RAP1A: variants seen among roughly 807,000 people sequenced by gnomAD.
RAP1A encodes the protein ras-related protein Rap-1A.
In RAP1A, 6 loss-of-function variants were observed where a neutral mutation model predicts 26.4. The ratio of observed to expected loss-of-function variants is 0.23; its 90% CI spans 0.12 to 0.45. The LOEUF (loss-of-function observed/expected upper bound fraction) is 0.45, where lower values mean the gene tolerates loss of function less well. RAP1A is among the 20% of genes least tolerant of loss of function. The pLI is 0.99. For synonymous variants in RAP1A, 73 were observed against 79.4 expected (o/e 0.92, Z 0.43); for missense variants, 121 against 217.2 (o/e 0.56, Z 2.78).
chr1:111,580,116 T>C (rs1305144448), intron 1 of RAP1A, among the ~76,000 whole-genome samples: 1 of 152,188 alleles, frequency 6.6e-6, no homozygotes, highest in African/African-American at 2.4e-5. Flanking sequence ...TATTGAATAC[T>C]GAACTAAAAG....
At chr1:111,697,403 G>A (rs780255114) in intron 3 of RAP1A, 38 bp from the exon 4 acceptor site, 1 of 1,595,820 alleles carries the variant, frequency 6.3e-7, no homozygotes, top group Non-Finnish European at 8.5e-7. Flanking sequence ...AGATTTTGAT[G>A]TTACTCTTTA....
chr1:111,607,518 G>A (rs1426647747), intron 1 of RAP1A, among the ~76,000 whole-genome samples: 2 of 152,188 alleles, frequency 1.3e-5, no homozygotes, highest in Non-Finnish European at 2.9e-5. Context: ...TTCTCAATGA[G>A]CTGTTGGGTA....
intron 1 of RAP1A, among the ~76,000 whole-genome samples, chr1:111,671,445 G>T (rs1367881686): frequency 5.3e-5 from 8 of 152,142 alleles, no homozygotes; most frequent in African/African-American, 1.4e-4. Flanking sequence ...TTTGCCTCAT[G>T]TAAGTCAAGT....
intron 1 of RAP1A, among the ~76,000 whole-genome samples, chr1:111,673,741 G>A (rs1179124456): frequency 6.6e-6 from 1 of 152,112 alleles, no homozygotes. Context: ...GAACATAGAG[G>A]TTTTCTAACT....
At chr1:111,580,520 G>A (rs1257373075) in intron 1 of RAP1A, among the ~76,000 whole-genome samples, 2 of 152,228 alleles carry the variant, frequency 1.3e-5, no homozygotes, top group East Asian at 1.9e-4. Context: ...ATAAGTGAAT[G>A]TGCCCCAGAA....
intron 1 of RAP1A, among the ~76,000 whole-genome samples, chr1:111,675,011 G>T (rs1044887015): frequency 6.6e-6 from 1 of 151,872 alleles, no homozygotes; most frequent in African/African-American, 2.4e-5. Context: ...TAAAATATGA[G>T]CTCTTTAACA....
upstream of RAP1A, among the ~76,000 whole-genome samples, chr1:111,616,299 TTG>T (rs368134683): frequency 2.0e-3 from 306 of 152,314 alleles, no homozygotes; most frequent in Non-Finnish European, 3.6e-3. Context: ...TTTCTCCTGT[TTG>T]TGCAGCTCCC....
At chr1:111,694,213 G>T (rs1166819420) in intron 2 of RAP1A, among the ~76,000 whole-genome samples, 1 of 152,146 alleles carries the variant, frequency 6.6e-6, no homozygotes, top group South Asian at 2.1e-4. Flanking sequence ...TTTAAATTAT[G>T]TGTCGTACTT....
intron 1 of RAP1A, among the ~76,000 whole-genome samples, chr1:111,555,356 ACT>A (rs1390642610): frequency 1.2e-5 from 1 of 86,768 alleles, no homozygotes; most frequent in African/African-American, 4.2e-5. Flanking sequence ...ACAGACTGAG[ACT>A]CTGTAAAAAA....
chr1:111,657,301 A>T (rs1045125680), intron 1 of RAP1A, among the ~76,000 whole-genome samples: 1 of 152,210 alleles, frequency 6.6e-6, no homozygotes, highest in African/African-American at 2.4e-5. Flanking sequence ...GTTGTTAAAC[A>T]TATTGTATAA....
At chr1:111,605,241 C>T (rs1174496429) in intron 1 of RAP1A, among the ~76,000 whole-genome samples, 2 of 152,126 alleles carry the variant, frequency 1.3e-5, no homozygotes, top group African/African-American at 2.4e-5. Context: ...CCAATTTACC[C>T]GACCGATTAC....
chr1:111,650,349 A>G (rs1166050087), intron 1 of RAP1A: 1 of 152,154 alleles, frequency 6.6e-6, no homozygotes, highest in Non-Finnish European at 1.5e-5. Context: ...ATAATTTCTA[A>G]AATATAAAAT....
upstream of RAP1A, chr1:111,542,161 G>C: frequency 2.5e-6 from 1 of 397,784 alleles, no homozygotes. Context: ...TAATTGAGTA[G>C]ATGCCTTGGA....
At chr1:111,568,042 TG>T (rs1305357392) in intron 1 of RAP1A, among the ~76,000 whole-genome samples, 1 of 152,200 alleles carries the variant, frequency 6.6e-6, no homozygotes, top group Non-Finnish European at 1.5e-5. Context: ...TGTGCCTCCT[TG>T]TCCATACTTC....
chr1:111,641,830 A>G (rs1659901075), intron 1 of RAP1A, among the ~76,000 whole-genome samples: 1 of 152,228 alleles, frequency 6.6e-6, no homozygotes, highest in South Asian at 2.1e-4. Flanking sequence ...AAGGCAATAT[A>G]GTATTGTAGT....
At chr1:111,616,124 GT>G (rs1659009948), upstream of RAP1A, among the ~76,000 whole-genome samples, 1 of 152,190 alleles carries the variant, frequency 6.6e-6, no homozygotes, top group African/African-American at 2.4e-5. Flanking sequence ...GAAGAAAGGT[GT>G]TTAGTTTCTG....
chr1:111,671,434 G>C (rs1207021090), intron 1 of RAP1A, among the ~76,000 whole-genome samples: 1 of 152,068 alleles, frequency 6.6e-6, no homozygotes. Context: ...TTCATAAAAA[G>C]TTTGCCTCAT....
At chr1:111,617,982 G>A (rs1404252580), upstream of RAP1A, among the ~76,000 whole-genome samples, 4 of 151,648 alleles carry the variant, frequency 2.6e-5, no homozygotes, top group African/African-American at 9.7e-5. Context: ...GTTGGAGGTT[G>A]CAGTGAGCGG....
chr1:111,599,604 A>G lies in RAP1A; in HGVS notation c.-28+57095A>G, dbSNP rs527506201. 4 of 152,256 alleles carry G rather than the reference A, an allele frequency of 2.6e-5. No individual in the cohort carries two copies. The East Asian group carries it at 7.7e-4, about 29-fold the overall frequency. The allele number at this position is 152,256 out of a possible 1,614,324, so 9.4% of individuals were successfully genotyped here. ...GGTGGGCTGAAAGTCTCAACCCTCT[A>G]ATTATGACTTGGTCTTTCCAGTGAC... On this transcript the variant is annotated intron_variant, in intron 1 of 7. Coordinates refer to the RAP1A transcript ENST00000356415.
Sources: allele counts gnomAD v4.1 joint callset (sites outside exome capture counted in the v4.1 genomes callset), GRCh38; gene constraint gnomAD v4.1.1; transcripts MANE v1.5; gene names NCBI Gene and HGNC (gene_info 2026-07-23, HGNC 2026-07-21).